The following SCN9A variants were observed in gnomAD, a reference collection of about 807,000 sequenced individuals.
SCN9A encodes sodium channel protein type 9 subunit alpha.
A neutral mutation model predicts 187.0 loss-of-function variants in SCN9A; 131 were observed. The observed-to-expected ratio is 0.70, with a 90% CI of 0.61 to 0.81. SCN9A has a LOEUF of 0.81. Ranked by LOEUF, SCN9A falls within the 30% of genes least tolerant of loss-of-function variation. The pLI is 0.00. For synonymous variants in SCN9A, 809 were observed against 808.6 expected (o/e 1.00, Z -0.01); for missense variants, 2,252 against 2,396.6 (o/e 0.94, Z 1.26).
rs1309168684 is a variant in SCN9A, at chr2:166,222,945, CAAA to C, written c.4398+3619_4398+3621del. Reference sequence around the variant, plus strand: ...AACTCCGTCTCAAAAAAAAAAACAACAAAAAAAAAAAAAAAAAAAAAAAAAAAC... The same window carrying C: ...AACTCCGTCTCAAAAAAAAAAACAACAAAAAAAAAAAAAAAAAAAAAAAAC... On this transcript the variant is annotated intron_variant, in intron 24 of 26. Transcript: ENST00000642356. Among the ~76,000 whole-genome samples the C allele has an allele frequency of 3.2e-3, 145 of 44,948 alleles. 6 individuals are homozygous for C. Among genetic ancestry groups the C allele is most frequent in the African/African-American group, 7.3e-3 (76 of 10,372 alleles). 29.5% of individuals were successfully genotyped at this position (44,948 alleles called of 152,430 possible).
In SCN9A at chr2:166,313,162, A is replaced by G. The variant is rs1471021640; in HGVS notation, c.-50-1356T>C. ...TTTTCTGAATAGTAAATAATTATTA[A>G]TATTCTGAATAATTAAATAATATAA... On this transcript the variant is annotated intron_variant, in intron 1 of 26. Coordinates refer to ENST00000642356, the MANE Select transcript of SCN9A (RefSeq NM_001365536.1). Among the ~76,000 whole-genome samples the G allele has an allele frequency of 2.0e-5, 3 of 150,484 alleles. No homozygotes were observed. In the East Asian group the frequency reaches 5.8e-4, roughly 29 times the overall value.
At chr2:166,239,019 A>T (rs1029661536) in intron 19 of SCN9A, among the ~76,000 whole-genome samples, 8 of 152,082 alleles carry the variant, frequency 5.3e-5, no homozygotes, top group African/African-American at 1.7e-4. Flanking sequence ...TTTGGTTATC[A>T]CTCATTTACT....
intron 1 of SCN9A, among the ~76,000 whole-genome samples, chr2:166,353,674 C>T (rs942094780): frequency 7.9e-5 from 12 of 152,022 alleles, no homozygotes; most frequent in African/African-American, 2.9e-4. Flanking sequence ...GATCTGACTT[C>T]GCCTCCTTCC....
intron 17 of SCN9A, among the ~76,000 whole-genome samples, chr2:166,254,940 A>G (rs1347038497): frequency 6.6e-6 from 1 of 151,470 alleles, no homozygotes; most frequent in Admixed American, 6.6e-5. Context: ...CTGCCTTTTT[A>G]TTGAATAATA....
At chr2:166,285,298 C>T (rs1038541138) in intron 11 of SCN9A, among the ~76,000 whole-genome samples, 6 of 152,134 alleles carry the variant, frequency 3.9e-5, no homozygotes, top group African/African-American at 1.2e-4. Context: ...GCTTTTAGCA[C>T]CAGTTAATTT....
chr2:166,374,618 T>G (rs1213494005), intron 1 of SCN9A, among the ~76,000 whole-genome samples: 1 of 152,076 alleles, frequency 6.6e-6, no homozygotes, highest in Non-Finnish European at 1.5e-5. Context: ...TAGGTTTATA[T>G]TGATGTTAAA....
chr2:166,199,154 G>T lies in SCN9A; in HGVS notation c.5485C>A (p.Pro1829Thr). Reference protein sequence around the residue: ...NKVQLIAMDLPMVSGDRIHCL... With the variant: ...NKVQLIAMDLTMVSGDRIHCL... ...TGGATCCGGTCACCACTAACCATGG[G>T]CAGATCCATGGCAATGAGCTGGACT... is the stretch of plus-strand genomic sequence containing the variant. The change falls in exon 27 of 27, where the codon CCC becomes ACC. Residue 1829 changes from proline (P) to threonine (T), a missense_variant. Pro to Thr is a conservative substitution (Grantham distance 38). Transcript: ENST00000642356. 1 of 1,614,172 alleles carries T rather than the reference G, an allele frequency of 6.2e-7. No individual in the cohort carries two copies. The highest frequency in any genetic ancestry group is 1.1e-5 in the South Asian group (1 of 91,078).
chr2:166,265,034 A>G (rs978201655), intron 17 of SCN9A, among the ~76,000 whole-genome samples: 1 of 152,024 alleles, frequency 6.6e-6, no homozygotes, highest in Non-Finnish European at 1.5e-5. Context: ...TAGCAGATCC[A>G]TAGCTTTGAA....
chr2:166,203,954 C>A lies in SCN9A; in HGVS notation c.4774+1G>T. Reference sequence around the variant, plus strand: ...AAAATCTGAAAAATAAATATTCTTACCTACAATGGAGATAATCACAACCAC... The same window carrying A: ...AAAATCTGAAAAATAAATATTCTTAACTACAATGGAGATAATCACAACCAC... On this transcript the variant is annotated splice_donor_variant, in intron 26 of 26. Transcript: ENST00000642356. LOFTEE classifies it high-confidence loss of function. The A allele has an allele frequency of 6.5e-7, 1 of 1,534,240 alleles. No homozygotes were observed. Among genetic ancestry groups the A allele is most frequent in the Non-Finnish European group, 8.9e-7 (1 of 1,118,976 alleles).
At chr2:166,208,918 C>T (rs1223434109) in intron 24 of SCN9A, among the ~76,000 whole-genome samples, 1 of 152,168 alleles carries the variant, frequency 6.6e-6, no homozygotes, top group Non-Finnish European at 1.5e-5. Flanking sequence ...TATTCATTTT[C>T]ATCAAGATAC....
intron 24 of SCN9A, among the ~76,000 whole-genome samples, chr2:166,217,657 A>G (rs569053469): frequency 6.6e-6 from 1 of 152,268 alleles, no homozygotes; most frequent in South Asian, 2.1e-4. Flanking sequence ...TAAAATCCCA[A>G]TGAAATATTA....
intron 26 of SCN9A, among the ~76,000 whole-genome samples, chr2:166,200,937 G>C (rs1693481393): frequency 1.3e-5 from 2 of 152,242 alleles, no homozygotes; most frequent in East Asian, 1.9e-4. Context: ...TGCCCAGCCT[G>C]TAACCTATTT....
chr2:166,206,440 C>T (rs1693809551), intron 24 of SCN9A, among the ~76,000 whole-genome samples: 1 of 152,098 alleles, frequency 6.6e-6, no homozygotes, highest in African/African-American at 2.4e-5. Flanking sequence ...TGCATGTTCT[C>T]ACTCATAAGT....
chr2:166,272,907 A>G, intron 16 of SCN9A, 32 bp from the exon 17 acceptor site: 1 of 948,342 alleles, frequency 1.1e-6, no homozygotes, highest in Non-Finnish European at 1.5e-6. Context: ...GGGTAGAGAA[A>G]TAGGGAGACA....
At chr2:166,320,429 T>C (rs1001105114) in intron 1 of SCN9A, among the ~76,000 whole-genome samples, 3 of 152,172 alleles carry the variant, frequency 2.0e-5, no homozygotes, top group African/African-American at 7.2e-5. Context: ...AGATACATTA[T>C]TTTGATCTCT....
rs1368823402 is a variant in SCN9A, at chr2:166,300,072, A to G, written c.901+3018T>C. On this transcript the variant is annotated intron_variant, in intron 7 of 26. Transcript: ENST00000642356. ...TGCCTAGATGAGAGAAGCAACCTTC[A>G]ACTTACCTTTCTTATTCCCATCTAC... Among the ~76,000 whole-genome samples the G allele has an allele frequency of 4.0e-5, 6 of 150,804 alleles. 1 individual carries two copies. Among genetic ancestry groups the G allele is most frequent in the African/African-American group, 1.0e-4 (4 of 40,148 alleles).
chr2:166,304,534 T>C (rs1448601648), intron 5 of SCN9A, among the ~76,000 whole-genome samples: 3 of 152,146 alleles, frequency 2.0e-5, no homozygotes, highest in East Asian at 1.9e-4. Flanking sequence ...TTATATATTA[T>C]TAAATTGGAT....
At chr2:166,357,849 A>G (rs1195857641) in intron 1 of SCN9A, among the ~76,000 whole-genome samples, 1 of 152,066 alleles carries the variant, frequency 6.6e-6, no homozygotes. Flanking sequence ...AATACCAAAC[A>G]GGGAAAGATG....
intron 1 of SCN9A, among the ~76,000 whole-genome samples, chr2:166,371,507 G>A (rs939682311): frequency 3.9e-5 from 6 of 152,130 alleles, no homozygotes; most frequent in African/African-American, 1.4e-4. Context: ...AAGGGTAAGT[G>A]ATACCTTCAA....
Sources: gnomAD v4.1 joint callset for allele counts (sites outside exome capture counted in the v4.1 genomes callset) on GRCh38, gnomAD v4.1.1 for gene constraint, MANE v1.5 for transcripts, NCBI Gene and HGNC (gene_info 2026-07-23, HGNC 2026-07-21) for gene names.